Variants in RGL3 observed in about 807,000 individuals in gnomAD.
RGL3 encodes the protein ral guanine nucleotide dissociation stimulator like 3.
A neutral mutation model predicts 90.6 loss-of-function variants in RGL3; 85 were observed. That is an observed-to-expected ratio of 0.94 (90% CI 0.79 to 1.12). RGL3 has a LOEUF of 1.12. Ranked by LOEUF, RGL3 falls within the 50% of genes most tolerant of loss-of-function variation. The pLI, the probability that RGL3 is intolerant of heterozygous loss-of-function variation, is 0.00. For missense variants in RGL3, 1,034 were observed against 939.2 expected, an observed-to-expected ratio of 1.10 and a Z score of -1.32; for synonymous variants, 408 against 385.5, an observed-to-expected ratio of 1.06 and a Z score of -0.68.
At chr19:11,412,486 A>G (rs1049009627) in intron 5 of RGL3, among the ~76,000 whole-genome samples, 3 of 152,088 alleles carry the variant, frequency 2.0e-5, no homozygotes, top group Non-Finnish European at 2.9e-5. Flanking sequence ...GAAATTTTCC[A>G]TAGCAAAAAG....
chr19:11,413,628 T>C (rs187287292), intron 5 of RGL3, among the ~76,000 whole-genome samples: 14 of 151,484 alleles, frequency 9.2e-5, no homozygotes, highest in Non-Finnish European at 2.1e-4. Context: ...GAGGATTGCT[T>C]AAGCCCAGGA....
intron 4 of RGL3, 97 bp downstream of exon 4, chr19:11,416,517 T>G: frequency 8.2e-7 from 1 of 1,225,500 alleles, no homozygotes; most frequent in South Asian, 1.2e-5. Context: ...AGTCTCTTAT[T>G]ACCCAACCTG....
At chr19:11,414,729 T>C (rs1647548813) in intron 5 of RGL3, among the ~76,000 whole-genome samples, 1 of 151,308 alleles carries the variant, frequency 6.6e-6, no homozygotes, top group South Asian at 2.1e-4. Flanking sequence ...GATGCAATTA[T>C]TCAGCAAACT....
At position 11,399,746 on chromosome 19, in the gene RGL3, C is replaced by T. The variant is rs991371040; in HGVS notation, c.1746+109G>A. 4.8e-6 allele frequency: 3 copies of T among 626,386 alleles called. No individual in the cohort carries two copies. The African/African-American group carries it at 5.7e-5, about 12-fold the overall frequency. 38.8% of individuals were successfully genotyped at this position (626,386 alleles called of 1,614,324 possible). A position where few individuals can be genotyped will look rare whatever the true frequency, so the allele number is the denominator to read the frequency against. ...GCGCTCAGTGTGCCTCCTGTATACA[C>T]TCCTGGCCCCACAATCCTGTGTGTA... On this transcript the variant is annotated intron_variant, in intron 16 of 18. Coordinates refer to ENST00000380456, the MANE Select transcript of RGL3 (RefSeq NM_001035223.4).
chr19:11,398,354 T>C (rs1011354865), intron 16 of RGL3, among the ~76,000 whole-genome samples: 1 of 149,082 alleles, frequency 6.7e-6, no homozygotes, highest in African/African-American at 2.4e-5. Flanking sequence ...TTTTCTTTTC[T>C]TTTTTTTTTG....
At chr19:11,409,429 C>T (rs971552525) in intron 5 of RGL3, among the ~76,000 whole-genome samples, 2 of 151,944 alleles carry the variant, frequency 1.3e-5, no homozygotes, top group African/African-American at 2.4e-5. Context: ...TGCAGTAAGC[C>T]GAGATCATGC....
chr19:11,402,324 G>T (rs1279394396), intron 11 of RGL3, 77 bp from the exon 12 acceptor site: 8 of 1,596,070 alleles, frequency 5.0e-6, no homozygotes, highest in Non-Finnish European at 5.1e-6. Flanking sequence ...GGGATGTCAG[G>T]AGCCCCACTG....
intron 18 of RGL3, among the ~76,000 whole-genome samples, chr19:11,395,543 G>A (rs1968549779): frequency 6.6e-6 from 1 of 152,098 alleles, no homozygotes; most frequent in African/African-American, 2.4e-5. Flanking sequence ...ATCCCATCAG[G>A]TTGAGCCTGA....
Position 11,396,156 on chromosome 19 carries a change from A to T in RGL3, c.2014+1088T>A, listed in dbSNP as rs1470246620. On this transcript the variant is annotated intron_variant, in intron 18 of 18. Transcript: ENST00000380456. Reference sequence around the variant, plus strand: ...TCTCTCTATATATATATATATATATATATTTTTTTTTTTTTTTTTTTTTTT... The same window carrying T: ...TCTCTCTATATATATATATATATATTTATTTTTTTTTTTTTTTTTTTTTTT... Among the ~76,000 whole-genome samples the T allele has an allele frequency of 2.0e-3, 102 of 51,328 alleles. 1 individual carries two copies. Among genetic ancestry groups the T allele is most frequent in the Non-Finnish European group, 2.3e-3 (67 of 29,506 alleles). 33.7% of individuals were successfully genotyped at this position (51,328 alleles called of 152,430 possible).
rs773885708 is a variant in RGL3, at chr19:11,405,424, G to T, written c.999C>A (p.Arg333=). 4 of 1,575,728 alleles carry T rather than the reference G, an allele frequency of 2.5e-6. No homozygotes were observed. Among genetic ancestry groups the T allele is most frequent in the Non-Finnish European group, 2.6e-6 (3 of 1,161,596 alleles). Residue 333 remains arginine (R), a splice_region_variant and synonymous_variant, in exon 8 of 19, where the codon CGC becomes CGA. Coordinates refer to ENST00000380456, the MANE Select transcript of RGL3 (RefSeq NM_001035223.4). ...RLEKWIRIAQ[R]CRELRNFSSL... ...AGGAGAAGTTCCGCAGTTCTCGGCAGCGCTGCCAGGCGGTGGGGACGCAGG... is the reference window on the plus strand; with the variant it reads ...AGGAGAAGTTCCGCAGTTCTCGGCATCGCTGCCAGGCGGTGGGGACGCAGG...
chr19:11,405,471 C>T (rs1439151407), intron 7 of RGL3, 45 bp from the exon 8 acceptor site: 1 of 625,492 alleles, frequency 1.6e-6, no homozygotes, highest in Non-Finnish European at 2.6e-6. Flanking sequence ...CATTATCCAC[C>T]TTTCATCCTG....
chr19:11,416,575 T>A (rs1355859334), intron 4 of RGL3, 39 bp downstream of exon 4: 1 of 1,600,358 alleles, frequency 6.2e-7, no homozygotes, highest in East Asian at 2.2e-5. Flanking sequence ...CCTCTTGGAT[T>A]TCCCTCCCCG....
At chr19:11,416,576 T>C in intron 4 of RGL3, 38 bp downstream of exon 4, 3 of 1,601,368 alleles carry the variant, frequency 1.9e-6, no homozygotes, top group East Asian at 2.2e-5. Flanking sequence ...CTCTTGGATT[T>C]CCCTCCCCGC....
chr19:11,408,681 A>G (rs1212568567), intron 5 of RGL3: 1 of 152,020 alleles, frequency 6.6e-6, no homozygotes, highest in African/African-American at 2.4e-5. Flanking sequence ...GGCACCCTGG[A>G]GGGGAAACTT....
Position 11,405,418 on chromosome 19 carries a change from T to C in RGL3, c.1005A>G (p.Arg335=). The C allele has an allele frequency of 6.3e-7, 1 of 1,575,872 alleles. No homozygotes were observed. Among genetic ancestry groups the C allele is most frequent in the Non-Finnish European group, 8.6e-7 (1 of 1,161,238 alleles). The change falls in exon 8 of 19, where the codon CGA becomes CGG. Residue 335 remains arginine, a synonymous_variant. Coordinates refer to ENST00000380456, the MANE Select transcript of RGL3 (RefSeq NM_001035223.4). ...EKWIRIAQRC[R]ELRNFSSLRA... ...GCAAGGAGGAGAAGTTCCGCAGTTC[T>C]CGGCAGCGCTGCCAGGCGGTGGGGA...
At chr19:11,394,674 G>A in intron 18 of RGL3, 154 bp from the exon 19 acceptor site, 1 of 626,280 alleles carries the variant, frequency 1.6e-6, no homozygotes, top group Non-Finnish European at 2.9e-6. Context: ...GCTGTCACTG[G>A]GAACCTGGAC....
intron 5 of RGL3, among the ~76,000 whole-genome samples, chr19:11,409,668 A>G (rs563362282): frequency 6.6e-6 from 1 of 152,274 alleles, no homozygotes; most frequent in Non-Finnish European, 1.5e-5. Context: ...GTTGTTCACA[A>G]GTTTGGAAAA....
chr19:11,418,797 G>A lies in RGL3; in HGVS notation c.34-13C>T, dbSNP rs1180395720. Reference sequence around the variant, plus strand: ...CCTGCAGCGGTGCCTGGACGCACAGGCGGACTCAGGGCACCAAAGGGGCAC... The same window carrying A: ...CCTGCAGCGGTGCCTGGACGCACAGACGGACTCAGGGCACCAAAGGGGCAC... On this transcript the variant is annotated splice_polypyrimidine_tract_variant and intron_variant, in intron 1 of 18. Coordinates refer to ENST00000380456, the MANE Select transcript of RGL3 (RefSeq NM_001035223.4). 6.5e-7 allele frequency: 1 copy of A among 1,535,250 alleles called. No individual in the cohort carries two copies.
Position 11,419,289 on chromosome 19 carries a change from C to T in RGL3, c.-11G>A, listed in dbSNP as rs746751864. 6.5e-7 allele frequency: 1 copy of T among 1,540,136 alleles called. No homozygotes were observed. The highest frequency in any genetic ancestry group is 2.7e-5 in the East Asian group (1 of 37,376). On this transcript the variant is annotated 5_prime_UTR_variant, in exon 1 of 19. Transcript: ENST00000380456. ...TGCTGTGCGCTCCATGGCCGGCGCC[C>T]GTCCCTCTCAGTGGCGCCGCTGAGT...
Sources: gnomAD v4.1 joint callset for allele counts (sites outside exome capture counted in the v4.1 genomes callset) on GRCh38, gnomAD v4.1.1 for gene constraint, MANE v1.5 for transcripts, NCBI Gene and HGNC (gene_info 2026-07-23, HGNC 2026-07-21) for gene names.